The following PCID2 variants were observed in gnomAD, a reference collection of about 807,000 sequenced individuals.
PCID2 encodes PCI domain-containing protein 2.
A neutral mutation model predicts 61.3 loss-of-function variants in PCID2; 41 were observed. The ratio of observed to expected loss-of-function variants is 0.67; its 90% CI spans 0.52 to 0.87. PCID2 has a LOEUF of 0.87. PCID2 is among the 40% of genes least tolerant of loss of function. The pLI, the probability that PCID2 is intolerant of heterozygous loss-of-function variation, is 0.00. For synonymous variants in PCID2, 187 were observed against 177.8 expected, an observed-to-expected ratio of 1.05 and a Z score of -0.41; for missense variants, 392 against 493.4, an observed-to-expected ratio of 0.79 and a Z score of 1.95.
intron 13 of PCID2, among the ~76,000 whole-genome samples, chr13:113,178,720 G>C (rs940560394): frequency 3.3e-5 from 5 of 152,152 alleles, no homozygotes; most frequent in South Asian, 2.1e-4. Context: ...GTATCCGAGG[G>C]GGGTTGGAGA....
the PCID2 span, among the ~76,000 whole-genome samples, chr13:113,168,760 G>A: frequency 2.6e-5 from 4 of 151,962 alleles, no homozygotes; most frequent in African/African-American, 9.7e-5. Context: ...ACCGGGTCTC[G>A]CCCTATTGCC....
intron 6 of PCID2, among the ~76,000 whole-genome samples, chr13:113,194,401 C>T (rs545887927): frequency 6.6e-6 from 1 of 151,966 alleles, no homozygotes; most frequent in African/African-American, 2.4e-5. Context: ...AACCTGGAGA[C>T]TCCCTACACG....
intron 7 of PCID2, among the ~76,000 whole-genome samples, chr13:113,189,388 C>T (rs2038402815): frequency 1.3e-5 from 2 of 151,470 alleles, no homozygotes; most frequent in Non-Finnish European, 2.9e-5. Context: ...CATTCCCCAG[C>T]CTCAGGTATT....
chr13:113,194,977 C>A, intron 6 of PCID2, 94 bp downstream of exon 6: 1 of 888,168 alleles, frequency 1.1e-6, no homozygotes, highest in Non-Finnish European at 1.9e-6. Flanking sequence ...CCAATTTGCT[C>A]CTCAAAACTT....
intron 4 of PCID2, 158 bp downstream of exon 4, chr13:113,197,020 C>A: frequency 6.2e-7 from 1 of 1,610,274 alleles, no homozygotes; most frequent in Non-Finnish European, 8.5e-7. Flanking sequence ...TTTAAGTACC[C>A]AAGTGAAAGA....
intron 5 of PCID2, 111 bp downstream of exon 5, chr13:113,196,070 C>G (rs1344820930): frequency 3.9e-6 from 3 of 775,814 alleles, no homozygotes; most frequent in African/African-American, 3.4e-5. Context: ...ACACTGATTA[C>G]CAAATATCCA....
chr13:113,197,039 G>A (rs770428622), intron 4 of PCID2, 139 bp downstream of exon 4: 13 of 1,613,766 alleles, frequency 8.1e-6, no homozygotes, highest in Middle Eastern at 1.6e-4. Context: ...GAGCTGAAAC[G>A]AGCTTCTGTT....
In PCID2 at chr13:113,179,227, A is replaced by T; in HGVS notation, c.987-138T>A. 1.8e-6 allele frequency: 1 copy of T among 560,066 alleles called. No homozygotes were observed. Among genetic ancestry groups the T allele is most frequent in the Non-Finnish European group, 3.1e-6 (1 of 327,826 alleles). 34.7% of individuals were successfully genotyped at this position (560,066 alleles called of 1,614,324 possible). ...ACCTATTAGATAAACTCTAAACTACACTCTCAGAGCTATTAAATCTAATTT... is the reference window on the plus strand; with the variant it reads ...ACCTATTAGATAAACTCTAAACTACTCTCTCAGAGCTATTAAATCTAATTT... On this transcript the variant is annotated intron_variant, in intron 12 of 13. Coordinates refer to ENST00000337344, the MANE Select transcript of PCID2 (RefSeq NM_001127202.4). This position sits in a 1 kb window ranked among gnomAD's most constrained non-coding sequence, Gnocchi z 4.3.
At chr13:113,167,713 T>G in the PCID2 span, among the ~76,000 whole-genome samples, 1 of 152,260 alleles carries the variant, frequency 6.6e-6, no homozygotes, top group Non-Finnish European at 1.5e-5. Flanking sequence ...TAGTATATAA[T>G]TGGCTTTCAT....
At chr13:113,194,078 G>C (rs913458584) in intron 6 of PCID2, among the ~76,000 whole-genome samples, 7 of 152,168 alleles carry the variant, frequency 4.6e-5, no homozygotes, top group African/African-American at 1.4e-4. Context: ...GAGTCGGGGA[G>C]GTCTAGGTCC....
At chr13:113,206,067 G>A (rs918168956) in intron 1 of PCID2, among the ~76,000 whole-genome samples, 9 of 152,346 alleles carry the variant, frequency 5.9e-5, no homozygotes, top group Admixed American at 4.6e-4. Context: ...AAAGCATTTG[G>A]AACTTTCCCT....
chr13:113,181,251 G>A, intron 9 of PCID2, 21 bp from the exon 10 acceptor site: 2 of 1,506,406 alleles, frequency 1.3e-6, no homozygotes, highest in Non-Finnish European at 9.2e-7. Flanking sequence ...GGCAGAGCCA[G>A]CACGCATGAG....
At chr13:113,166,926 T>G in the PCID2 span, among the ~76,000 whole-genome samples, 3 of 152,200 alleles carry the variant, frequency 2.0e-5, no homozygotes, top group Non-Finnish European at 2.9e-5. Flanking sequence ...AAGAGCCATA[T>G]AACCAGGGAG....
At chr13:113,172,741 G>A (rs796833409), downstream of PCID2, among the ~76,000 whole-genome samples, 6 of 152,318 alleles carry the variant, frequency 3.9e-5, no homozygotes, top group African/African-American at 7.2e-5. Flanking sequence ...GGGTTCCCAC[G>A]GAAGGTTCCG....
chr13:113,199,069 C>T (rs1017374421), intron 2 of PCID2, among the ~76,000 whole-genome samples: 1 of 152,176 alleles, frequency 6.6e-6, no homozygotes, highest in Admixed American at 6.5e-5. Context: ...ATCTGAACAT[C>T]TCAACAGGTG....
At chr13:113,167,060 T>C in the PCID2 span, among the ~76,000 whole-genome samples, 1 of 152,222 alleles carries the variant, frequency 6.6e-6, no homozygotes, top group Non-Finnish European at 1.5e-5. Context: ...ACTGAATATA[T>C]GGAATTTTCC....
chr13:113,167,051 C>T, the PCID2 span, among the ~76,000 whole-genome samples: 2 of 152,140 alleles, frequency 1.3e-5, no homozygotes, highest in African/African-American at 4.8e-5. Flanking sequence ...AGTTATTTAA[C>T]TGAATATATG....
chr13:113,181,275 C>T (rs776786507), intron 9 of PCID2, 45 bp from the exon 10 acceptor site: 15 of 1,155,468 alleles, frequency 1.3e-5, no homozygotes, highest in Non-Finnish European at 2.0e-5. Flanking sequence ...AACGCACCTG[C>T]TTCAGGCCCC....
chr13:113,203,655 C>T (rs1364109028), intron 1 of PCID2, among the ~76,000 whole-genome samples: 1 of 152,194 alleles, frequency 6.6e-6, no homozygotes, highest in Non-Finnish European at 1.5e-5. Flanking sequence ...CCCCTGCCCA[C>T]GCCCTGCAAG....
Sources: allele counts gnomAD v4.1 joint callset (sites outside exome capture counted in the v4.1 genomes callset), GRCh38; gene constraint gnomAD v4.1.1; non-coding constraint Gnocchi (gnomAD v3.1); transcripts MANE v1.5; gene names NCBI Gene and HGNC (gene_info 2026-07-23, HGNC 2026-07-21).